The following ERI1 variants were observed in gnomAD, a reference collection of about 807,000 sequenced individuals.
The protein encoded by ERI1 is 3'-5' exoribonuclease 1.
Under a neutral mutation model 39.7 loss-of-function variants are expected in ERI1, and 39 were observed. The observed-to-expected ratio is 0.98, with a 90% CI of 0.76 to 1.28. ERI1 has a LOEUF of 1.28. ERI1 is among the 50% of genes most tolerant of loss of function. ERI1 has a pLI of 0.00. For synonymous variants in ERI1, 204 were observed against 149.6 expected, an observed-to-expected ratio of 1.36 and a Z score of -2.65; for missense variants, 581 against 416.9, an observed-to-expected ratio of 1.39 and a Z score of -3.43.
intron 2 of ERI1, among the ~76,000 whole-genome samples, chr8:9,008,719 C>G (rs570353498): frequency 6.6e-6 from 1 of 151,894 alleles, no homozygotes; most frequent in Non-Finnish European, 1.5e-5. Context: ...TAATTTTTTG[C>G]GAAACAAATC....
intron 3 of ERI1, among the ~76,000 whole-genome samples, chr8:9,013,783 G>C (rs948426686): frequency 5.3e-5 from 8 of 152,084 alleles, no homozygotes; most frequent in South Asian, 2.1e-4. Flanking sequence ...TAATTGCTCA[G>C]TTCAAAAACT....
At chr8:9,090,878 C>G (rs1799680768) in intron 3 of ERI1, among the ~76,000 whole-genome samples, 1 of 152,114 alleles carries the variant, frequency 6.6e-6, no homozygotes, top group Admixed American at 6.6e-5. Context: ...CAAGCTGTTT[C>G]TGAGTGATGA....
downstream of ERI1, among the ~76,000 whole-genome samples, chr8:9,033,515 T>G (rs746364477): frequency 6.6e-6 from 1 of 152,156 alleles, no homozygotes; most frequent in Non-Finnish European, 1.5e-5. Flanking sequence ...AATATATAAG[T>G]TCCATCAACA....
Position 9,032,904 on chromosome 8 carries a change from G to C in ERI1, c.*2870G>C, listed in dbSNP as rs1044189426. The C allele has an allele frequency of 6.6e-6, 1 of 152,210 alleles. No homozygotes were observed. The highest frequency in any genetic ancestry group is 2.4e-5 in the African/African-American group (1 of 41,452). 9.4% of individuals were successfully genotyped at this position (152,210 alleles called of 1,614,324 possible). On this transcript the variant is annotated 3_prime_UTR_variant, in exon 7 of 7. Transcript: ENST00000250263. ...GTCTGAGAAGGATGTATTGTACTTT[G>C]AAGGAAGACTTTCCATTTCTAAGCT...
chr8:9,096,680 A>G (rs561162543), intron 3 of ERI1: 2 of 143,364 alleles, frequency 1.4e-5, no homozygotes, highest in Non-Finnish European at 3.0e-5. Flanking sequence ...ATGAAATGAA[A>G]TGTCCATCTC....
intron 3 of ERI1, among the ~76,000 whole-genome samples, chr8:9,040,583 T>TA (rs1203884712): frequency 6.6e-6 from 1 of 152,188 alleles, no homozygotes; most frequent in Non-Finnish European, 1.5e-5. Context: ...CCTGTAAAAT[T>TA]ACCCTTGCTG....
At position 9,011,696 on chromosome 8, in the gene ERI1, G is replaced by C. The variant is rs1023614320; in HGVS notation, c.442G>C (p.Val148Leu). The C allele has an allele frequency of 6.2e-7, 1 of 1,612,656 alleles. No homozygotes were observed. Among genetic ancestry groups the C allele is most frequent in the Admixed American group, 1.7e-5 (1 of 59,892 alleles). Residue 148 changes from valine to leucine, a missense_variant, in exon 3 of 7, where the codon GTA (valine) becomes CTA (leucine). Coordinates refer to ENST00000250263, the MANE Select transcript of ERI1 (RefSeq NM_153332.4). ...TCEEGNPPEF[V>L]HEIIEFPVVL... The stretch of plus-strand genomic sequence containing the variant: ...TGAAGAAGGAAACCCACCTGAGTTT[G>C]TACATGAAATAATTGAATTTCCGGT...
chr8:9,090,173 C>T (rs528994448), intron 3 of ERI1, among the ~76,000 whole-genome samples: 4 of 152,110 alleles, frequency 2.6e-5, no homozygotes, highest in Non-Finnish European at 5.9e-5. Context: ...GGACCCAGGA[C>T]ACTTGCTTGA....
intron 3 of ERI1, among the ~76,000 whole-genome samples, chr8:9,046,537 A>C (rs1457468027): frequency 6.6e-6 from 1 of 152,216 alleles, no homozygotes; most frequent in Non-Finnish European, 1.5e-5. Context: ...CTTGCAATTA[A>C]AGAGCCCAGT....
At chr8:9,058,393 A>G (rs1351812355) in intron 3 of ERI1, among the ~76,000 whole-genome samples, 3 of 152,204 alleles carry the variant, frequency 2.0e-5, no homozygotes, top group Admixed American at 1.3e-4. Context: ...ACATTTACTC[A>G]TGGGCCTAGC....
In ERI1 at chr8:9,011,751, TAGTA is replaced by T. The variant is rs770608801; in HGVS notation, c.498+3_498+6del. The T allele has an allele frequency of 1.3e-6, 2 of 1,589,382 alleles. No individual in the cohort carries two copies. The highest frequency in any genetic ancestry group is 1.7e-6 in the Non-Finnish European group (2 of 1,163,336). Reference sequence around the variant, plus strand: ...TTACTGAATACGCATACTTTAGAAATAGTAAGTGAATTTTTGTATTTTAATTGTA... The same window carrying T: ...TTACTGAATACGCATACTTTAGAAATAGTGAATTTTTGTATTTTAATTGTA... On this transcript the variant is annotated splice_donor_variant and splice_donor_region_variant and coding_sequence_variant and intron_variant, in exon 3 of 7. Coordinates refer to ENST00000250263, the MANE Select transcript of ERI1 (RefSeq NM_153332.4). LOFTEE classifies it high-confidence loss of function.
chr8:9,019,672 G>A (rs999854799), intron 5 of ERI1, among the ~76,000 whole-genome samples: 9 of 152,156 alleles, frequency 5.9e-5, no homozygotes, highest in African/African-American at 2.2e-4. Flanking sequence ...GTGTCCTGGG[G>A]ACATACACTT....
At chr8:9,042,444 T>G (rs1798055613) in intron 3 of ERI1, among the ~76,000 whole-genome samples, 1 of 152,204 alleles carries the variant, frequency 6.6e-6, no homozygotes, top group Non-Finnish European at 1.5e-5. Flanking sequence ...TTTCCTCAAC[T>G]GCTACGCCCT....
intron 1 of ERI1, among the ~76,000 whole-genome samples, chr8:9,006,713 G>A (rs1048257222): frequency 6.6e-6 from 1 of 152,058 alleles, no homozygotes; most frequent in South Asian, 2.1e-4. Flanking sequence ...AGGAACCTCA[G>A]TGTGGCTGTT....
At chr8:9,006,169 A>G (rs1013391595) in intron 1 of ERI1, among the ~76,000 whole-genome samples, 3 of 152,196 alleles carry the variant, frequency 2.0e-5, no homozygotes, top group Non-Finnish European at 4.4e-5. Flanking sequence ...TCCTTGGCAG[A>G]TTGATTTGAG....
chr8:9,038,454 G>A (rs980735367), intron 3 of ERI1, among the ~76,000 whole-genome samples: 2 of 152,200 alleles, frequency 1.3e-5, no homozygotes, highest in African/African-American at 4.8e-5. Flanking sequence ...TGTAACAAGT[G>A]TATATACATT....
intron 3 of ERI1, among the ~76,000 whole-genome samples, chr8:9,051,767 T>C (rs554991477): frequency 6.6e-6 from 1 of 152,348 alleles, no homozygotes; most frequent in South Asian, 2.1e-4. Flanking sequence ...GTAAGTGTCC[T>C]ATGTAGTTAT....
chr8:9,041,805 G>T (rs1400516700), intron 3 of ERI1, among the ~76,000 whole-genome samples: 1 of 152,172 alleles, frequency 6.6e-6, no homozygotes, highest in Non-Finnish European at 1.5e-5. Context: ...CGTGATCTCG[G>T]CTGACTTCAA....
chr8:9,072,224 C>T (rs1443662402), intron 3 of ERI1, among the ~76,000 whole-genome samples: 2 of 152,124 alleles, frequency 1.3e-5, no homozygotes, highest in Non-Finnish European at 2.9e-5. Context: ...ACCTCATAGC[C>T]CTGTGAGGTT....
Sources: gnomAD v4.1 joint callset for allele counts (sites outside exome capture counted in the v4.1 genomes callset) on GRCh38, gnomAD v4.1.1 for gene constraint, MANE v1.5 for transcripts, NCBI Gene and HGNC (gene_info 2026-07-23, HGNC 2026-07-21) for gene names.